HECW1: variants seen among roughly 807,000 people sequenced by gnomAD.
HECW1 encodes the protein E3 ubiquitin-protein ligase HECW1.
In HECW1, 61 loss-of-function variants were observed where a neutral mutation model predicts 182.3. That is an observed-to-expected ratio of 0.33 (90% CI 0.27 to 0.41). The LOEUF (loss-of-function observed/expected upper bound fraction) is 0.41, where lower values mean the gene tolerates loss of function less well. Ranked by LOEUF, HECW1 falls within the 10% of genes least tolerant of loss-of-function variation. The probability of loss-of-function intolerance (pLI) is 1.00; values close to 1 mark genes in which losing one functional copy is unlikely to be tolerated. For synonymous variants in HECW1, 859 were observed against 832.6 expected, an observed-to-expected ratio of 1.03 and a Z score of -0.55; for missense variants, 1,739 against 2,108.9, an observed-to-expected ratio of 0.82 and a Z score of 3.44.
chr7:43,514,437 T>G (rs1012310518), intron 24 of HECW1, among the ~76,000 whole-genome samples: 4 of 151,916 alleles, frequency 2.6e-5, no homozygotes, highest in East Asian at 1.9e-4. Context: ...TACAGGCACA[T>G]GCCACCACGC....
intron 3 of HECW1, among the ~76,000 whole-genome samples, chr7:43,279,613 T>C (rs1163399284): frequency 6.6e-6 from 1 of 152,182 alleles, no homozygotes; most frequent in Non-Finnish European, 1.5e-5. Context: ...GCCTAGAATG[T>C]GCGCCCTCCT....
intron 5 of HECW1, among the ~76,000 whole-genome samples, chr7:43,339,093 T>C (rs1465886668): frequency 6.6e-6 from 1 of 152,224 alleles, no homozygotes; most frequent in Non-Finnish European, 1.5e-5. Flanking sequence ...TCTAAGACTT[T>C]TATCTTTGTC....
chr7:43,168,541 T>C (rs1791362944), intron 2 of HECW1, among the ~76,000 whole-genome samples: 1 of 151,548 alleles, frequency 6.6e-6, no homozygotes, highest in African/African-American at 2.4e-5. Context: ...GTGCCTGAGG[T>C]CCCAGCTACT....
intron 13 of HECW1, among the ~76,000 whole-genome samples, chr7:43,459,082 C>T (rs182587410): frequency 2.6e-4 from 39 of 152,180 alleles, no homozygotes; most frequent in African/African-American, 9.1e-4. Context: ...CAGGAAAATG[C>T]CTCCCACCTG....
intron 2 of HECW1, among the ~76,000 whole-genome samples, chr7:43,181,202 G>C (rs993830813): frequency 6.6e-6 from 1 of 150,868 alleles, no homozygotes; most frequent in Non-Finnish European, 1.5e-5. Context: ...TGGCTGAATA[G>C]TATTTCATTG....
Position 43,444,875 on chromosome 7 carries a change from A to G in HECW1, c.1703A>G (p.His568Arg), listed in dbSNP as rs1404597417. ...TACATCCGCATCCACACCCTGCTGC[A>G]CAGCATGCCCTCCGCCCAGGGCGGC... ...THYIRIHTLL[H>R]SMPSAQGGSA... The change falls in exon 11 of 30, where the codon CAC becomes CGC. Residue 568 changes from histidine to arginine, a missense_variant. Transcript: ENST00000395891. This position sits in a 1 kb window ranked among gnomAD's most constrained non-coding sequence, Gnocchi z 4.3. The G allele has an allele frequency of 4.3e-6, 7 of 1,609,778 alleles. No homozygotes were observed. Among genetic ancestry groups the G allele is most frequent in the Non-Finnish European group, 5.1e-6 (6 of 1,177,394 alleles).
At chr7:43,394,946 A>G (rs2075176279) in intron 6 of HECW1, among the ~76,000 whole-genome samples, 2 of 152,076 alleles carry the variant, frequency 1.3e-5, no homozygotes, top group Non-Finnish European at 2.9e-5. Flanking sequence ...TGAGCCAGGA[A>G]TGCTGATTGG....
At chr7:43,412,299 A>G (rs1031146216) in intron 8 of HECW1, among the ~76,000 whole-genome samples, 4 of 152,120 alleles carry the variant, frequency 2.6e-5, no homozygotes, top group Non-Finnish European at 1.5e-5. Flanking sequence ...TATATACATT[A>G]TAAACCCTAC....
chr7:43,521,895 A>G lies in HECW1; in HGVS notation c.4019+12774A>G, dbSNP rs140532491. ...CTCAAAAATAAACAACAACAGAAAA[A>G]GAAGTGAGGCGTTTGGGAAAGTGAT... On this transcript the variant is annotated intron_variant, in intron 24 of 29. Coordinates refer to ENST00000395891, the MANE Select transcript of HECW1 (RefSeq NM_015052.5). Among the ~76,000 whole-genome samples the G allele has an allele frequency of 4.0e-3, 608 of 152,304 alleles. 22 individuals are homozygous for G. The East Asian group carries it at 0.082, about 21-fold the overall frequency.
intron 2 of HECW1, among the ~76,000 whole-genome samples, chr7:43,125,316 A>T (rs966611545): frequency 5.3e-5 from 8 of 152,174 alleles, no homozygotes; most frequent in Admixed American, 2.0e-4. Flanking sequence ...AAAGACCATG[A>T]TCATGGCTTC....
rs1344957183 is a variant in HECW1, at chr7:43,388,631, GT to G, written c.556-8176del. Among the ~76,000 whole-genome samples, 4 of 152,222 alleles carry G rather than the reference GT, an allele frequency of 2.6e-5. No homozygotes were observed. The Middle Eastern group carries it at 0.01, about 388-fold the overall frequency. On this transcript the variant is annotated intron_variant, in intron 6 of 29. Coordinates refer to ENST00000395891, the MANE Select transcript of HECW1 (RefSeq NM_015052.5). ...AGGGTGTTACTGCTGGATATTCTGG[GT>G]TTTTTTGTTTTGTTTTGTTTTTGAG...
At chr7:43,150,225 G>A (rs1789149413) in intron 2 of HECW1, among the ~76,000 whole-genome samples, 1 of 152,150 alleles carries the variant, frequency 6.6e-6, no homozygotes, top group Non-Finnish European at 1.5e-5. Context: ...ATAGTAATTT[G>A]TGAAACCAGG....
intron 2 of HECW1, among the ~76,000 whole-genome samples, chr7:43,188,160 C>T (rs1487428928): frequency 6.6e-6 from 1 of 152,174 alleles, no homozygotes; most frequent in African/African-American, 2.4e-5. Flanking sequence ...TCGTGGCTCA[C>T]CAGTTTCTTC....
At chr7:43,343,516 G>A (rs565047045) in intron 5 of HECW1, among the ~76,000 whole-genome samples, 2 of 151,826 alleles carry the variant, frequency 1.3e-5, no homozygotes, top group South Asian at 4.1e-4. Flanking sequence ...AACATGCAGT[G>A]TTTGGTTTTC....
chr7:43,373,372 C>T (rs1470666423), intron 6 of HECW1, among the ~76,000 whole-genome samples: 6 of 151,796 alleles, frequency 4.0e-5, no homozygotes, highest in Admixed American at 3.3e-4. Flanking sequence ...TGGCCAGGCT[C>T]GTCTCAAACT....
intron 2 of HECW1, among the ~76,000 whole-genome samples, chr7:43,203,085 C>T (rs546862110): frequency 2.6e-5 from 4 of 152,314 alleles, no homozygotes; most frequent in South Asian, 2.1e-4. Flanking sequence ...TCTCTTCACA[C>T]GGACGCGCGT....
intron 5 of HECW1, among the ~76,000 whole-genome samples, chr7:43,357,115 A>C (rs1815247384): frequency 6.6e-6 from 1 of 152,216 alleles, no homozygotes; most frequent in Non-Finnish European, 1.5e-5. Context: ...GGGAGCCCTC[A>C]TACACTGCTG....
intron 7 of HECW1, among the ~76,000 whole-genome samples, chr7:43,401,745 G>A (rs1349508603): frequency 6.6e-6 from 1 of 151,802 alleles, no homozygotes; most frequent in African/African-American, 2.4e-5. Context: ...ATACTGGGTA[G>A]AAGAGGGCAG....
At chr7:43,221,388 G>C (rs1325321304) in intron 2 of HECW1, among the ~76,000 whole-genome samples, 1 of 151,906 alleles carries the variant, frequency 6.6e-6, no homozygotes, top group Non-Finnish European at 1.5e-5. Context: ...AATCAGAGAA[G>C]ATAATTGAAA....
Sources: allele counts gnomAD v4.1 joint callset (sites outside exome capture counted in the v4.1 genomes callset), GRCh38; gene constraint gnomAD v4.1.1; non-coding constraint Gnocchi (gnomAD v3.1); transcripts MANE v1.5; gene names NCBI Gene and HGNC (gene_info 2026-07-23, HGNC 2026-07-21).